Variants in ICE1 observed in about 807,000 individuals in gnomAD.
ICE1 encodes the protein little elongation complex subunit 1.
ICE1 carries 64 observed loss-of-function variants against 192.7 expected under a neutral mutation model. The observed-to-expected ratio is 0.33, with a 90% CI of 0.27 to 0.41. The LOEUF (loss-of-function observed/expected upper bound fraction) is 0.41, where lower values mean the gene tolerates loss of function less well. Among genes scored for constraint, ICE1 ranks in the 10% least tolerant of loss-of-function variants. The pLI is 1.00. For missense variants in ICE1, 2,708 were observed against 2,696.0 expected (o/e 1.00, Z -0.10); for synonymous variants, 1,010 against 984.5 (o/e 1.03, Z -0.49).
intron 5 of ICE1, among the ~76,000 whole-genome samples, chr5:5,442,750 A>AT (rs535015737): frequency 5.4e-4 from 83 of 152,358 alleles, no homozygotes; most frequent in African/African-American, 1.8e-3. Context: ...TAGGGTGTAT[A>AT]TATCAGTGTT....
At position 5,462,536 on chromosome 5, in the gene ICE1, G is replaced by A; in HGVS notation, c.3202G>A (p.Asp1068Asn). Residue 1068 changes from aspartate to asparagine, a missense_variant, in exon 13 of 19, where the codon GAC becomes AAC. Around this residue, in one of 2 missense-constraint regions of ICE1, gnomAD observed 2,366 missense variants for 2,276.6 expected, o/e 1.04. Coordinates refer to ENST00000296564, the MANE Select transcript of ICE1 (RefSeq NM_015325.3). ...GALPECFGTT[D>N]TTFSSAFCRK... The stretch of plus-strand genomic sequence containing the variant: ...TTTGCCTGAGTGTTTTGGCACCACA[G>A]ACACTACTTTTTCTTCAGCATTTTG... The A allele has an allele frequency of 6.2e-7, 1 of 1,614,026 alleles. No individual in the cohort carries two copies.
At chr5:5,478,939 A>G (rs1739419083) in intron 17 of ICE1, among the ~76,000 whole-genome samples, 1 of 152,192 alleles carries the variant, frequency 6.6e-6, no homozygotes. Context: ...CCTTATACAA[A>G]AATTAACTTA....
Position 5,461,844 on chromosome 5 carries a change from T to G in ICE1, c.2510T>G (p.Leu837Arg). 1 of 1,613,976 alleles carries G rather than the reference T, an allele frequency of 6.2e-7. No homozygotes were observed. The highest frequency in any genetic ancestry group is 2.2e-5 in the East Asian group (1 of 44,870). The change falls in exon 13 of 19, where the codon CTT becomes CGT. Residue 837 changes from leucine (L) to arginine (R), a missense_variant. Coordinates refer to ENST00000296564, the MANE Select transcript of ICE1 (RefSeq NM_015325.3). Reference protein sequence around the residue: ...QNRGPTPKPDLLRENNNPVEF... With the variant: ...QNRGPTPKPDRLRENNNPVEF... Reference sequence around the variant, plus strand: ...AGAGGACCAACACCCAAGCCTGATCTTCTTAGAGAAAATAACAATCCTGTA... The same window carrying G: ...AGAGGACCAACACCCAAGCCTGATCGTCTTAGAGAAAATAACAATCCTGTA...
At chr5:5,448,481 T>G (rs1738312304) in intron 10 of ICE1, among the ~76,000 whole-genome samples, 1 of 152,336 alleles carries the variant, frequency 6.6e-6, no homozygotes, top group South Asian at 2.1e-4. Flanking sequence ...AATTTTCACT[T>G]CCATCCTTCC....
chr5:5,479,696 A>G (rs1188941737), intron 17 of ICE1, among the ~76,000 whole-genome samples: 15 of 152,248 alleles, frequency 9.9e-5, no homozygotes, highest in Non-Finnish European at 5.9e-5. Context: ...AACCAACCCA[A>G]GTGTCCATCA....
intron 17 of ICE1, among the ~76,000 whole-genome samples, chr5:5,485,345 T>C (rs1342145289): frequency 6.6e-6 from 1 of 152,148 alleles, no homozygotes; most frequent in Admixed American, 6.5e-5. Flanking sequence ...GTTGCAGACC[T>C]TTGTACTGTC....
In ICE1 at chr5:5,466,330, C is replaced by A. The variant is rs1738983431; in HGVS notation, c.5893-4C>A. ...TTGCCTTTTTAATTTTTTTTTCAAT[C>A]CAGCATTTAGCAGAGTGCTTGCTTC... On this transcript the variant is annotated splice_region_variant and splice_polypyrimidine_tract_variant and intron_variant, in intron 13 of 18. Transcript: ENST00000296564. 1 of 1,580,472 alleles carries A rather than the reference C, an allele frequency of 6.3e-7. No homozygotes were observed. Among genetic ancestry groups the A allele is most frequent in the Non-Finnish European group, 8.6e-7 (1 of 1,167,714 alleles).
intron 17 of ICE1, among the ~76,000 whole-genome samples, chr5:5,484,500 A>G (rs978948881): frequency 1.3e-5 from 2 of 152,232 alleles, no homozygotes; most frequent in South Asian, 2.1e-4. Flanking sequence ...GCAAAGAGAT[A>G]TTTGAAAGTG....
rs114103560 is a variant in ICE1 at position 5,458,181 on chromosome 5, G to A, written c.1101+440G>A. Among the ~76,000 whole-genome samples, 1,050 of 152,226 alleles carry A rather than the reference G, an allele frequency of 6.9e-3. 8 individuals are homozygous for A. The highest frequency in any genetic ancestry group is 0.017 in the African/African-American group (696 of 41,524). The stretch of plus-strand genomic sequence containing the variant: ...TGAATTCATCATCTTGTGTGTTTGC[G>A]GAATGGTTTACAGTAGTTTCTTAGG... On this transcript the variant is annotated intron_variant, in intron 12 of 18. Transcript: ENST00000296564.
rs1738935359 is a variant in ICE1 at position 5,464,871 on chromosome 5, A to C, written c.5537A>C (p.Lys1846Thr). ...TLSTSTLRSA[K>T]RLRLDTGSPE... ...TCAACGTCTACACTGAGAAGTGCTAAAAGACTGCGCCTGGACACTGGGTCC... is the reference window on the plus strand; with the variant it reads ...TCAACGTCTACACTGAGAAGTGCTACAAGACTGCGCCTGGACACTGGGTCC... Residue 1846 changes from lysine to threonine, a missense_variant, in exon 13 of 19, where the codon AAA (lysine) becomes ACA (threonine). Lys to Thr is a moderately conservative substitution (Grantham distance 78, BLOSUM62 -1). This residue lies in a region of ICE1 where 2,366 missense variants were observed against 2,276.6 expected (regional missense o/e 1.04). Transcript: ENST00000296564. The surrounding 1 kb of genome is among the most constrained non-coding windows in gnomAD (Gnocchi z 4.0). The C allele has an allele frequency of 6.2e-7, 1 of 1,613,162 alleles. No homozygotes were observed.
chr5:5,488,687 T>C lies in ICE1; in HGVS notation c.6620-462T>C, dbSNP rs1160079919. On this transcript the variant is annotated intron_variant, in intron 18 of 18. Coordinates refer to ENST00000296564, the MANE Select transcript of ICE1 (RefSeq NM_015325.3). ...AAAGTATGGTACGCTACAAAAAGTT[T>C]TTCATTATATCTCTTATTATGTTTT... is the stretch of plus-strand genomic sequence containing the variant. Among the ~76,000 whole-genome samples the C allele has an allele frequency of 2.6e-5, 4 of 152,348 alleles. No individual in the cohort carries two copies. In the East Asian group the frequency reaches 7.7e-4, roughly 29 times the overall value.
chr5:5,425,887 A>G lies in ICE1; in HGVS notation c.84+2888A>G, dbSNP rs183655986. 5.6e-4 allele frequency among the ~76,000 whole-genome samples: 85 copies of G among 152,364 alleles called. 1 individual carries two copies. In the South Asian group the frequency reaches 0.013, roughly 23 times the overall value. ...GGAATAAAGAAGAAAAAGGTTCTGA[A>G]TATGAGACAGTGTAAAGAATGGGCA... On this transcript the variant is annotated intron_variant, in intron 1 of 18. Coordinates refer to ENST00000296564, the MANE Select transcript of ICE1 (RefSeq NM_015325.3).
At chr5:5,424,393 C>T (rs557867801) in intron 1 of ICE1, among the ~76,000 whole-genome samples, 1 of 151,650 alleles carries the variant, frequency 6.6e-6, no homozygotes, top group Non-Finnish European at 1.5e-5. Flanking sequence ...CCCGCCACCA[C>T]CACCCCAGGA....
In ICE1 at chr5:5,429,896, AAG is replaced by A. The variant is rs1444336343; in HGVS notation, c.85-6517_85-6516del. On this transcript the variant is annotated intron_variant, in intron 1 of 18. Coordinates refer to ENST00000296564, the MANE Select transcript of ICE1 (RefSeq NM_015325.3). ...AAATGGGAAACAAAAAGTCTTGAGT[AAG>A]AGAGTGGGCTGCTCTGGGAATTGTG... Among the ~76,000 whole-genome samples, 4 of 152,334 alleles carry A rather than the reference AAG, an allele frequency of 2.6e-5. No individual in the cohort carries two copies. In the East Asian group the frequency reaches 5.8e-4, roughly 22 times the overall value.
intron 1 of ICE1, among the ~76,000 whole-genome samples, chr5:5,431,981 TC>T (rs1447749542): frequency 6.6e-6 from 1 of 152,110 alleles, no homozygotes; most frequent in Non-Finnish European, 1.5e-5. Context: ...ATTTTCTGCA[TC>T]CTTTTTTTTT....
chr5:5,471,294 G>A (rs996655775), intron 15 of ICE1, among the ~76,000 whole-genome samples: 1 of 152,096 alleles, frequency 6.6e-6, no homozygotes, highest in African/African-American at 2.4e-5. Context: ...GATGAATATT[G>A]GCTTTGGGGT....
At chr5:5,424,588 A>C (rs1048267729) in intron 1 of ICE1, among the ~76,000 whole-genome samples, 4 of 152,190 alleles carry the variant, frequency 2.6e-5, no homozygotes. Context: ...GGATAAATGA[A>C]ACAAATGAGT....
chr5:5,484,096 C>T (rs897260288), intron 17 of ICE1, among the ~76,000 whole-genome samples: 37 of 152,110 alleles, frequency 2.4e-4, no homozygotes, highest in African/African-American at 5.3e-4. Context: ...TATTCTAATA[C>T]GGCTGGATGG....
At position 5,464,164 on chromosome 5, in the gene ICE1, A is replaced by G; in HGVS notation, c.4830A>G (p.Thr1610=). The G allele has an allele frequency of 6.2e-7, 1 of 1,613,680 alleles. No individual in the cohort carries two copies. The highest frequency in any genetic ancestry group is 8.5e-7 in the Non-Finnish European group (1 of 1,179,868). The change falls in exon 13 of 19, where the codon ACA becomes ACG. Residue 1610 remains threonine, a synonymous_variant. Transcript: ENST00000296564. The surrounding 1 kb of genome is among the most constrained non-coding windows in gnomAD (Gnocchi z 4.0). ...QTQTILANAD[T]STPTDCSPDT... is the part of the protein sequence containing the mutation. ...AGACCATTTTAGCAAATGCTGATAC[A>G]TCCACTCCTACAGATTGTTCTCCTG...
Sources: allele counts gnomAD v4.1 joint callset (sites outside exome capture counted in the v4.1 genomes callset), GRCh38; gene constraint gnomAD v4.1.1; regional missense constraint gnomAD v4.1.1; non-coding constraint Gnocchi (gnomAD v3.1); transcripts MANE v1.5; gene names NCBI Gene and HGNC (gene_info 2026-07-23, HGNC 2026-07-21).